The following GFRAL variants were observed in gnomAD, a reference collection of about 807,000 sequenced individuals.
GFRAL encodes the protein GDNF family receptor alpha-like.
GFRAL carries 36 observed loss-of-function variants against 45.4 expected under a neutral mutation model. The observed-to-expected ratio is 0.79, with a 90% CI of 0.61 to 1.05. The LOEUF (loss-of-function observed/expected upper bound fraction) is 1.05. Ranked by LOEUF, GFRAL falls within the 50% of genes least tolerant of loss-of-function variation. GFRAL has a pLI of 0.00. For synonymous variants in GFRAL, 166 were observed against 154.1 expected (o/e 1.08, Z -0.57); for missense variants, 507 against 467.5 (o/e 1.08, Z -0.78).
chr6:55,401,084 G>A (rs1284240141), intron 8 of GFRAL, among the ~76,000 whole-genome samples: 1 of 152,110 alleles, frequency 6.6e-6, no homozygotes, highest in Non-Finnish European at 1.5e-5. Context: ...CTGCATAGAA[G>A]GCATATCCCT....
intron 6 of GFRAL, among the ~76,000 whole-genome samples, chr6:55,365,758 A>G (rs1335104816): frequency 6.7e-6 from 1 of 149,708 alleles, no homozygotes; most frequent in Non-Finnish European, 1.5e-5. Context: ...ATTTGTGTAT[A>G]TTGAACCAGC....
Position 55,327,519 on chromosome 6 carries a change from C to T in GFRAL, c.-36C>T, listed in dbSNP as rs762745959. 6.2e-7 allele frequency: 1 copy of T among 1,610,840 alleles called. No individual in the cohort carries two copies. Among genetic ancestry groups the T allele is most frequent in the Non-Finnish European group, 8.5e-7 (1 of 1,177,910 alleles). ...AAGTTGTCAGAAGAAACGCATCTGC[C>T]TTTTTTTCCAGGTGAACTGCCGTGA... On this transcript the variant is annotated 5_prime_UTR_variant, in exon 1 of 9. Coordinates refer to ENST00000340465, the MANE Select transcript of GFRAL (RefSeq NM_207410.2).
In GFRAL at chr6:55,401,677, T is replaced by TGATTAG. The variant is rs1427642870; in HGVS notation, c.1122-112_1122-107dup. On this transcript the variant is annotated intron_variant, in intron 8 of 8. Transcript: ENST00000340465. ...TATTGGGACTTTACATTCTGGAACT[T>TGATTAG]GATTAGTTTTTTCCTCCAGGTGCAG... is the stretch of plus-strand genomic sequence containing the variant. 6.4e-5 allele frequency: 45 copies of TGATTAG among 702,914 alleles called. No individual in the cohort carries two copies. The Middle Eastern group carries it at 1.1e-3, about 16-fold the overall frequency. The allele number at this position is 702,914 out of a possible 1,614,324, so 43.5% of individuals were successfully genotyped here.
chr6:55,399,122 ATAAAAT>A, intron 6 of GFRAL, 52 bp from the exon 7 acceptor site: 1 of 882,652 alleles, frequency 1.1e-6, no homozygotes, highest in Non-Finnish European at 1.7e-6. Context: ...ATTGTAATCC[ATAAAAT>A]TAAAATAATG....
intron 6 of GFRAL, among the ~76,000 whole-genome samples, chr6:55,370,009 A>G (rs1006957471): frequency 2.0e-5 from 3 of 152,146 alleles, no homozygotes; most frequent in African/African-American, 7.2e-5. Context: ...GGACCCTACT[A>G]TGTGTTATCT....
intron 6 of GFRAL, among the ~76,000 whole-genome samples, chr6:55,391,126 C>G (rs1020843698): frequency 6.7e-6 from 1 of 150,358 alleles, no homozygotes; most frequent in South Asian, 2.1e-4. Context: ...AGATTGTAGT[C>G]AAGTTTTTTC....
intron 8 of GFRAL, among the ~76,000 whole-genome samples, chr6:55,400,994 C>T (rs9367634): frequency 0.68 from 103,417 of 151,954 alleles, 35,638 homozygotes; most frequent in East Asian, 0.78. Context: ...TTTTTAGATA[C>T]TACTGTTTTG....
At position 55,402,112 on chromosome 6, in the gene GFRAL, G is replaced by A; in HGVS notation, c.*259G>A. The A allele has an allele frequency of 3.4e-6, 1 of 298,466 alleles. No individual in the cohort carries two copies. Among genetic ancestry groups the A allele is most frequent in the Non-Finnish European group, 6.1e-6 (1 of 164,262 alleles). The allele number at this position is 298,466 out of a possible 1,614,324, so 18.5% of individuals were successfully genotyped here. On this transcript the variant is annotated 3_prime_UTR_variant, in exon 9 of 9. Coordinates refer to ENST00000340465, the MANE Select transcript of GFRAL (RefSeq NM_207410.2). ...CTGCCTCAGCCTTCCCGAGTAGCTGGGATTACAGGTACCCGCCACCACGCC... is the reference window on the plus strand; with the variant it reads ...CTGCCTCAGCCTTCCCGAGTAGCTGAGATTACAGGTACCCGCCACCACGCC...
intron 6 of GFRAL, among the ~76,000 whole-genome samples, chr6:55,393,388 A>G (rs1768779659): frequency 6.6e-6 from 1 of 152,158 alleles, no homozygotes; most frequent in Non-Finnish European, 1.5e-5. Context: ...CCAGTGTTTT[A>G]TGGAACATAA....
chr6:55,347,240 A>G (rs114622272), intron 3 of GFRAL, among the ~76,000 whole-genome samples: 1,986 of 152,278 alleles, frequency 0.013, 22 homozygotes, highest in Non-Finnish European at 0.022. Flanking sequence ...TGCACATGAA[A>G]TAATCAAGAA....
intron 8 of GFRAL, among the ~76,000 whole-genome samples, chr6:55,400,211 G>T (rs1279255018): frequency 1.3e-5 from 2 of 152,030 alleles, no homozygotes; most frequent in Admixed American, 6.6e-5. Context: ...TTACACATAT[G>T]GGTACATGTC....
chr6:55,381,229 C>A (rs1188518766), intron 6 of GFRAL, among the ~76,000 whole-genome samples: 1 of 151,894 alleles, frequency 6.6e-6, no homozygotes, highest in Non-Finnish European at 1.5e-5. Flanking sequence ...CCAGAACCAG[C>A]TGGCTTTTGT....
chr6:55,378,564 T>C (rs1768565037), intron 6 of GFRAL, among the ~76,000 whole-genome samples: 1 of 151,940 alleles, frequency 6.6e-6, no homozygotes, highest in South Asian at 2.1e-4. Context: ...ATGGAGGGTC[T>C]TCTCTGTGGT....
intron 3 of GFRAL, among the ~76,000 whole-genome samples, chr6:55,348,537 C>T (rs182338844): frequency 6.6e-6 from 1 of 152,058 alleles, no homozygotes; most frequent in East Asian, 1.9e-4. Context: ...GATAAAGGTC[C>T]CCAGAATCTT....
intron 5 of GFRAL, among the ~76,000 whole-genome samples, chr6:55,355,235 G>C (rs1229291925): frequency 6.6e-6 from 1 of 151,680 alleles, no homozygotes; most frequent in African/African-American, 2.4e-5. Context: ...GGGAGTCGGG[G>C]GCGAGGGGAG....
At chr6:55,376,628 G>A (rs1254523852) in intron 6 of GFRAL, among the ~76,000 whole-genome samples, 1 of 151,888 alleles carries the variant, frequency 6.6e-6, no homozygotes, top group African/African-American at 2.4e-5. Flanking sequence ...TAGTTTATGT[G>A]CATAGAGGTG....
chr6:55,342,817 A>G (rs1050978623), intron 3 of GFRAL, among the ~76,000 whole-genome samples: 1 of 152,148 alleles, frequency 6.6e-6, no homozygotes, highest in Non-Finnish European at 1.5e-5. Flanking sequence ...GCTCAAAATA[A>G]AAGGATGGAG....
At chr6:55,387,724 C>T (rs544577357) in intron 6 of GFRAL, among the ~76,000 whole-genome samples, 14 of 152,292 alleles carry the variant, frequency 9.2e-5, no homozygotes, top group African/African-American at 2.2e-4. Flanking sequence ...TTTCTCAACC[C>T]ATCTGCTGGA....
rs570636009 is a variant in GFRAL, at chr6:55,341,050, C to T, written c.316+7106C>T. On this transcript the variant is annotated intron_variant, in intron 3 of 8. Transcript: ENST00000340465. ...GAAACTCAAACTGGGTGGAGCCCATCGCAGCTCAAGGAGGCCTGCTTGCAT... is the reference window on the plus strand; with the variant it reads ...GAAACTCAAACTGGGTGGAGCCCATTGCAGCTCAAGGAGGCCTGCTTGCAT... Among the ~76,000 whole-genome samples the T allele has an allele frequency of 1.5e-4, 23 of 152,288 alleles. No individual in the cohort carries two copies. The East Asian group carries it at 1.7e-3, about 12-fold the overall frequency.
Sources: allele counts gnomAD v4.1 joint callset (sites outside exome capture counted in the v4.1 genomes callset), GRCh38; gene constraint gnomAD v4.1.1; transcripts MANE v1.5; gene names NCBI Gene and HGNC (gene_info 2026-07-23, HGNC 2026-07-21).